The following GRM7 variants were observed in gnomAD, a reference collection of about 807,000 sequenced individuals.
GRM7 encodes metabotropic glutamate receptor 7.
In GRM7, 35 loss-of-function variants were observed where a neutral mutation model predicts 84.5. The observed-to-expected ratio is 0.41, with a 90% CI of 0.32 to 0.55. The LOEUF is 0.55. Among genes scored for constraint, GRM7 ranks in the 20% least tolerant of loss-of-function variants. The pLI, the probability that GRM7 is intolerant of heterozygous loss-of-function variation, is 0.19. For missense variants in GRM7, 1,003 were observed against 1,194.6 expected (o/e 0.84, Z 2.36); for synonymous variants, 487 against 455.1 (o/e 1.07, Z -0.89).
chr3:6,945,857 T>G (rs1559343945), intron 1 of GRM7, among the ~76,000 whole-genome samples: 1 of 152,232 alleles, frequency 6.6e-6, no homozygotes, highest in Non-Finnish European at 1.5e-5. Context: ...TGCATAAATG[T>G]CTTCTTTTGA....
intron 1 of GRM7, among the ~76,000 whole-genome samples, chr3:6,878,525 A>G (rs918114995): frequency 3.4e-5 from 5 of 148,318 alleles, no homozygotes; most frequent in Non-Finnish European, 7.5e-5. Flanking sequence ...TGCACTAGAT[A>G]TTTAAGAGAT....
intron 1 of GRM7, among the ~76,000 whole-genome samples, chr3:6,998,140 G>A (rs1409988115): frequency 0.025 from 238 of 9,492 alleles, no homozygotes; most frequent in Non-Finnish European, 0.066. Flanking sequence ...AAAAAAAAAA[G>A]CAGGTTAGTT....
chr3:7,704,511 A>C (rs561333865), intron 9 of GRM7, among the ~76,000 whole-genome samples: 1 of 152,266 alleles, frequency 6.6e-6, no homozygotes, highest in South Asian at 2.1e-4. Context: ...TCTTTTATTG[A>C]AAAAAATGTA....
rs576312169 is a variant in GRM7 at position 7,629,718 on chromosome 3, A to T, written c.2452-50331A>T. ...CAGGTAGCCAGAGCTTGCCGTCTAA[A>T]ACCTAACACAGTGTCTTAAAAGCAA... On this transcript the variant is annotated intron_variant, in intron 8 of 9. Transcript: ENST00000357716. 1.9e-4 allele frequency among the ~76,000 whole-genome samples: 29 copies of T among 152,296 alleles called. No homozygotes were observed. In the South Asian group the frequency reaches 5.6e-3, roughly 29 times the overall value.
At chr3:6,927,789 T>C (rs1019696381) in intron 1 of GRM7, among the ~76,000 whole-genome samples, 1 of 152,180 alleles carries the variant, frequency 6.6e-6, no homozygotes, top group Non-Finnish European at 1.5e-5. Context: ...CTAGTGTTCT[T>C]CATTTAGATA....
chr3:6,989,031 T>C (rs1694535915), intron 1 of GRM7, among the ~76,000 whole-genome samples: 1 of 152,234 alleles, frequency 6.6e-6, no homozygotes, highest in South Asian at 2.1e-4. Flanking sequence ...GGGTAGGATT[T>C]CTTAAATCTT....
intron 8 of GRM7, among the ~76,000 whole-genome samples, chr3:7,582,554 T>C (rs1695309129): frequency 1.3e-5 from 2 of 152,062 alleles, no homozygotes; most frequent in Non-Finnish European, 1.5e-5. Flanking sequence ...ATTGAGGCAA[T>C]TGAAGGGCAG....
At chr3:7,461,824 A>C in intron 7 of GRM7, 102 bp downstream of exon 7, 2 of 1,067,418 alleles carry the variant, frequency 1.9e-6, no homozygotes, top group Non-Finnish European at 2.8e-6. Flanking sequence ...TTGTGTGCAT[A>C]TACAAGTGAG....
Position 7,031,527 on chromosome 3 carries a change from C to T in GRM7, c.520-114925C>T, listed in dbSNP as rs1256151856. Among the ~76,000 whole-genome samples, 4 of 152,134 alleles carry T rather than the reference C, an allele frequency of 2.6e-5. No homozygotes were observed. The East Asian group carries it at 7.8e-4, about 30-fold the overall frequency. On this transcript the variant is annotated intron_variant, in intron 1 of 9. Coordinates refer to ENST00000357716, the MANE Select transcript of GRM7 (RefSeq NM_000844.4). ...CGCCTCCCGGGTTCATGCCATTCTC[C>T]TGCCCCAGCCTCCCGAGTAGCTGGG...
At chr3:6,915,571 C>T (rs1312971508) in intron 1 of GRM7, among the ~76,000 whole-genome samples, 6 of 152,142 alleles carry the variant, frequency 3.9e-5, no homozygotes, top group Admixed American at 3.9e-4. Flanking sequence ...CTATGCATAC[C>T]AATGAACCTG....
intron 4 of GRM7, among the ~76,000 whole-genome samples, chr3:7,326,150 A>G (rs967925693): frequency 3.3e-5 from 5 of 150,232 alleles, no homozygotes; most frequent in African/African-American, 1.2e-4. Context: ...AGGTATCAAC[A>G]TCTGTTGAAC....
intron 7 of GRM7, among the ~76,000 whole-genome samples, chr3:7,503,830 C>T (rs1466383060): frequency 6.6e-6 from 1 of 152,064 alleles, no homozygotes; most frequent in African/African-American, 2.4e-5. Context: ...GATTTTCATC[C>T]TAACTGCTTT....
At position 7,058,278 on chromosome 3, in the gene GRM7, A is replaced by G. The variant is rs538991116; in HGVS notation, c.520-88174A>G. Among the ~76,000 whole-genome samples the G allele has an allele frequency of 6.6e-5, 10 of 152,072 alleles. No homozygotes were observed. The South Asian group carries it at 2.1e-3, about 31-fold the overall frequency. ...AAGTCAACCAAATATGAAGTCTCAA[A>G]CAAATATTTTTAATTCACATATTTA... On this transcript the variant is annotated intron_variant, in intron 1 of 9. Coordinates refer to ENST00000357716, the MANE Select transcript of GRM7 (RefSeq NM_000844.4).
At chr3:7,189,826 A>C (rs1238414156) in intron 2 of GRM7, among the ~76,000 whole-genome samples, 2 of 152,152 alleles carry the variant, frequency 1.3e-5, no homozygotes, top group Non-Finnish European at 2.9e-5. Flanking sequence ...CATCATAGAG[A>C]TGTCACATTG....
intron 2 of GRM7, among the ~76,000 whole-genome samples, chr3:7,236,915 T>C (rs116326666): frequency 0.027 from 4,059 of 152,308 alleles, 105 homozygotes; most frequent in African/African-American, 0.069. Context: ...CTCTCAGATA[T>C]AGAAGAAATT....
intron 4 of GRM7, among the ~76,000 whole-genome samples, chr3:7,332,548 C>T (rs1323047436): frequency 6.6e-6 from 1 of 152,148 alleles, no homozygotes; most frequent in Non-Finnish European, 1.5e-5. Flanking sequence ...TCAATAACAA[C>T]CAAGTCTTGA....
chr3:6,996,141 C>T (rs1056525034), intron 1 of GRM7, among the ~76,000 whole-genome samples: 11 of 152,078 alleles, frequency 7.2e-5, no homozygotes, highest in South Asian at 2.1e-4. Context: ...CTCCTCCTCC[C>T]GAGTTCAAGC....
intron 7 of GRM7, among the ~76,000 whole-genome samples, chr3:7,485,811 A>C (rs1299286120): frequency 6.6e-6 from 1 of 152,212 alleles, no homozygotes; most frequent in African/African-American, 2.4e-5. Flanking sequence ...CGCTGATGCC[A>C]CTGCATGGAA....
At chr3:7,553,153 C>T (rs901635909) in intron 7 of GRM7, among the ~76,000 whole-genome samples, 1 of 152,312 alleles carries the variant, frequency 6.6e-6, no homozygotes, top group South Asian at 2.1e-4. Flanking sequence ...TTTCACAGAT[C>T]TCTAGGACAG....
Sources: allele counts gnomAD v4.1 joint callset (sites outside exome capture counted in the v4.1 genomes callset), GRCh38; gene constraint gnomAD v4.1.1; transcripts MANE v1.5; gene names NCBI Gene and HGNC (gene_info 2026-07-23, HGNC 2026-07-21).